ZMYM5: variants seen among roughly 807,000 people sequenced by gnomAD.
The protein encoded by ZMYM5 is zinc finger MYM-type protein 5.
In ZMYM5, 41 loss-of-function variants were observed where a neutral mutation model predicts 61.8. The observed-to-expected ratio is 0.66, with a 90% CI of 0.52 to 0.86. ZMYM5 has a LOEUF of 0.86. Among genes scored for constraint, ZMYM5 ranks in the 40% least tolerant of loss-of-function variants. The pLI, the probability that ZMYM5 is intolerant of heterozygous loss-of-function variation, is 0.00. For synonymous variants in ZMYM5, 257 were observed against 276.4 expected (o/e 0.93, Z 0.70); for missense variants, 706 against 786.7 (o/e 0.90, Z 1.23).
chr13:19,831,082 C>G (rs1891189750), intron 7 of ZMYM5, among the ~76,000 whole-genome samples: 1 of 149,354 alleles, frequency 6.7e-6, no homozygotes, highest in African/African-American at 2.5e-5. Context: ...CCGCCTTGGC[C>G]TTCCAAAGTG....
At chr13:19,857,714 T>C (rs550132872) in intron 2 of ZMYM5, among the ~76,000 whole-genome samples, 1 of 151,772 alleles carries the variant, frequency 6.6e-6, no homozygotes, top group East Asian at 2.0e-4. Context: ...TGAGAACTCA[T>C]CTCTACAAAA....
intron 4 of ZMYM5, among the ~76,000 whole-genome samples, chr13:19,850,275 G>C (rs768583078): frequency 1.1e-4 from 17 of 152,104 alleles, no homozygotes; most frequent in Non-Finnish European, 1.9e-4. Flanking sequence ...CCAACTTTCA[G>C]AATTAAGCGA....
chr13:19,845,714 C>G (rs1953052222), intron 4 of ZMYM5, among the ~76,000 whole-genome samples: 2 of 152,148 alleles, frequency 1.3e-5, no homozygotes, highest in African/African-American at 4.8e-5. Flanking sequence ...AAATCAGAAA[C>G]AGCCAAATGA....
At chr13:19,858,772 TAA>T (rs1278797646) in intron 2 of ZMYM5, among the ~76,000 whole-genome samples, 1 of 151,972 alleles carries the variant, frequency 6.6e-6, no homozygotes, top group East Asian at 1.9e-4. Flanking sequence ...AGCCAGAGTC[TAA>T]AACAGTGAAT....
At chr13:19,856,810 G>A (rs1170105080) in intron 2 of ZMYM5, among the ~76,000 whole-genome samples, 3 of 150,408 alleles carry the variant, frequency 2.0e-5, no homozygotes, top group African/African-American at 7.4e-5. Flanking sequence ...ACTCTGTCTC[G>A]AAAACAAACA....
Position 19,861,996 on chromosome 13 carries a change from G to A in ZMYM5, c.-11+403C>T, listed in dbSNP as rs181467559. Among the ~76,000 whole-genome samples, 243 of 152,248 alleles carry A rather than the reference G, an allele frequency of 1.6e-3. 1 individual carries two copies. Among genetic ancestry groups the A allele is most frequent in the Non-Finnish European group, 2.7e-3 (183 of 68,014 alleles). On this transcript the variant is annotated intron_variant, in intron 2 of 7. Transcript: ENST00000337963. ...TCTCCTCGTGTGATGCTAGCTGGAG[G>A]ACTGTCAGGGTACATAAATAACAGT...
chr13:19,837,176 A>G (rs1445550761), intron 6 of ZMYM5, among the ~76,000 whole-genome samples: 1 of 151,264 alleles, frequency 6.6e-6, no homozygotes, highest in Non-Finnish European at 1.5e-5. Flanking sequence ...GCGCCACCAC[A>G]CCCAGCTAAT....
chr13:19,837,814 A>G lies in ZMYM5; in HGVS notation c.880T>C (p.Ser294Pro). Reference sequence around the variant, plus strand: ...AGAATGACATTAGCCTTCTTTGTAGATGCATCTCTGAAACAGAAGGGATAG... The same window carrying G: ...AGAATGACATTAGCCTTCTTTGTAGGTGCATCTCTGAAACAGAAGGGATAG... ...TRSIICKKDA[S>P]TKKANVILPV... The change falls in exon 6 of 8, where the codon TCT (serine) becomes CCT (proline). Residue 294 changes from serine (S) to proline (P), a missense_variant. Coordinates refer to ENST00000337963, the MANE Select transcript of ZMYM5 (RefSeq NM_001142684.2). The G allele has an allele frequency of 6.3e-7, 1 of 1,587,484 alleles. No individual in the cohort carries two copies. Among genetic ancestry groups the G allele is most frequent in the Non-Finnish European group, 8.5e-7 (1 of 1,174,390 alleles).
chr13:19,837,586 C>A, intron 6 of ZMYM5, 70 bp downstream of exon 6: 2 of 1,606,180 alleles, frequency 1.2e-6, no homozygotes, highest in Non-Finnish European at 1.7e-6. Flanking sequence ...TGAAAGAGTA[C>A]ATAATAGCAC....
At chr13:19,852,290 G>C (rs1161708599) in intron 2 of ZMYM5, 100 bp from the exon 3 acceptor site, 1 of 1,264,850 alleles carries the variant, frequency 7.9e-7, no homozygotes, top group Non-Finnish European at 1.1e-6. Context: ...ATTATTTTTT[G>C]TGATACCTGA....
rs557430661 is a variant in ZMYM5 at position 19,834,238 on chromosome 13, A to G, written c.1251+1239T>C. On this transcript the variant is annotated intron_variant, in intron 7 of 7. Coordinates refer to ENST00000337963, the MANE Select transcript of ZMYM5 (RefSeq NM_001142684.2). ...GGTGATCCATCCGCCTTGGCCTCCC[A>G]AAGTGCTGGGATTACAGGCGTGAGC... is the stretch of plus-strand genomic sequence containing the variant. 2.2e-3 allele frequency among the ~76,000 whole-genome samples: 335 copies of G among 152,252 alleles called. 1 individual carries two copies. The highest frequency in any genetic ancestry group is 8.0e-3 in the African/African-American group (332 of 41,548).
chr13:19,840,971 C>A (rs192528765), intron 4 of ZMYM5, among the ~76,000 whole-genome samples: 12 of 150,760 alleles, frequency 8.0e-5, no homozygotes, highest in African/African-American at 1.7e-4. Flanking sequence ...GCCACCGCGC[C>A]CGGCCCACCT....
At chr13:19,846,636 G>A (rs185970466) in intron 4 of ZMYM5, among the ~76,000 whole-genome samples, 1 of 152,134 alleles carries the variant, frequency 6.6e-6, no homozygotes, top group Non-Finnish European at 1.5e-5. Flanking sequence ...TAGGATCTGA[G>A]TGAACCAATA....
rs1566116734 is a variant in ZMYM5 at position 19,863,440 on chromosome 13, C to T, written c.-79+10G>A. 6.6e-6 allele frequency: 1 copy of T among 152,504 alleles called. No homozygotes were observed. The highest frequency in any genetic ancestry group is 1.5e-5 in the Non-Finnish European group (1 of 68,228). 9.4% of individuals were successfully genotyped at this position (152,504 alleles called of 1,614,324 possible). A position where few individuals can be genotyped will look rare whatever the true frequency, so the allele number is the denominator to read the frequency against. ...AGGCTGCTCTCACCCATCTCCGCCT[C>T]CCCACTCACCTCGGCCTCCGCCTCC... On this transcript the variant is annotated intron_variant, in intron 1 of 7. Transcript: ENST00000337963.
At chr13:19,852,270 A>T (rs761108571) in intron 2 of ZMYM5, 80 bp from the exon 3 acceptor site, 2 of 1,396,860 alleles carry the variant, frequency 1.4e-6, no homozygotes, top group Non-Finnish European at 1.9e-6. Flanking sequence ...AGCACAAGCA[A>T]ATTTTTCAAA....
chr13:19,855,924 G>A (rs901176354), intron 2 of ZMYM5, among the ~76,000 whole-genome samples: 6 of 151,908 alleles, frequency 3.9e-5, no homozygotes, highest in Non-Finnish European at 8.8e-5. Flanking sequence ...GCTGAGGCAG[G>A]AGAATGGTGT....
Position 19,837,754 on chromosome 13 carries a change from A to G in ZMYM5, c.940T>C (p.Tyr314His). The G allele has an allele frequency of 6.3e-7, 1 of 1,587,658 alleles. No individual in the cohort carries two copies. The highest frequency in any genetic ancestry group is 1.2e-5 in the South Asian group (1 of 85,300). ...VESSKSFQEF[Y>H]STSCLSPCEN... ...CAGGGAGACAAACAAGATGTACTAT[A>G]AAATTCTTGGAAGGATTTGCTTGAT... Residue 314 changes from tyrosine to histidine, a missense_variant, in exon 6 of 8, where the codon TAT (tyrosine) becomes CAT (histidine). This residue lies in a region of ZMYM5 where 480 missense variants were observed against 461.7 expected (regional missense o/e 1.04). Transcript: ENST00000337963.
intron 4 of ZMYM5, among the ~76,000 whole-genome samples, chr13:19,848,242 C>T (rs970983362): frequency 2.0e-5 from 3 of 151,996 alleles, no homozygotes; most frequent in Non-Finnish European, 1.5e-5. Context: ...GCCTTGGCCT[C>T]TGAAAATGCT....
At position 19,852,148 on chromosome 13, in the gene ZMYM5, C is replaced by T. The variant is rs547703743; in HGVS notation, c.33G>A (p.Leu11=). ...CTAATAAAGCAGGAGTCTGTTCAGT[C>T]AACTCTAATCCTCCCACTGAACATT... is the stretch of plus-strand genomic sequence containing the variant. MEKCSVGGLE[L]TEQTPALLGN... is the part of the protein sequence containing the mutation. The change falls in exon 3 of 8, where the codon TTG becomes TTA. Residue 11 remains leucine (L), a synonymous_variant. Transcript: ENST00000337963. The T allele has an allele frequency of 1.7e-5, 28 of 1,609,120 alleles. 1 individual carries two copies. In the South Asian group the frequency reaches 2.9e-4, roughly 17 times the overall value.
Sources: gnomAD v4.1 joint callset for allele counts (sites outside exome capture counted in the v4.1 genomes callset) on GRCh38, gnomAD v4.1.1 for gene constraint, gnomAD v4.1.1 regional missense constraint, MANE v1.5 for transcripts, NCBI Gene and HGNC (gene_info 2026-07-23, HGNC 2026-07-21) for gene names.